The following DCAF1 variants were observed in gnomAD, a reference collection of about 807,000 sequenced individuals.
DCAF1 encodes the protein DDB1- and CUL4-associated factor 1.
Under a neutral mutation model 128.0 loss-of-function variants are expected in DCAF1, and 15 were observed. The ratio of observed to expected loss-of-function variants is 0.12; its 90% CI spans 0.08 to 0.18. The LOEUF is 0.18. Ranked by LOEUF, DCAF1 falls within the 10% of genes least tolerant of loss-of-function variation. The probability of loss-of-function intolerance (pLI) is 1.00; values close to 1 mark genes in which losing one functional copy is unlikely to be tolerated. For synonymous variants in DCAF1, 610 were observed against 603.0 expected, an observed-to-expected ratio of 1.01 and a Z score of -0.17; for missense variants, 988 against 1,649.5, an observed-to-expected ratio of 0.60 and a Z score of 6.95.
chr3:51,447,490 T>C (rs1559523384), intron 6 of DCAF1, among the ~76,000 whole-genome samples: 2 of 152,310 alleles, frequency 1.3e-5, no homozygotes, highest in Admixed American at 1.3e-4. Flanking sequence ...TCTACTGATA[T>C]AGAATATATT....
Position 51,498,295 on chromosome 3 carries a change from G to C in DCAF1, c.-55-1515C>G, listed in dbSNP as rs564687941. Among the ~76,000 whole-genome samples, 3 of 151,168 alleles carry C rather than the reference G, an allele frequency of 2.0e-5. No homozygotes were observed. In the East Asian group the frequency reaches 5.8e-4, roughly 29 times the overall value. On this transcript the variant is annotated intron_variant, in intron 1 of 24. Transcript: ENST00000684031. ...GAATCACTTGAACCTGGGAGGCGGA[G>C]GTTGCAGTGAGACAAGATCGCGCCA...
chr3:51,457,677 C>T (rs1159932131), intron 6 of DCAF1, among the ~76,000 whole-genome samples: 1 of 152,002 alleles, frequency 6.6e-6, no homozygotes, highest in Non-Finnish European at 1.5e-5. Context: ...GGTCGGGTTA[C>T]CCACAAAGGG....
At position 51,448,821 on chromosome 3, in the gene DCAF1, T is replaced by C. The variant is rs574150706; in HGVS notation, c.376-4918A>G. ...AGAACTTGAACAACACTATAAGCCA[T>C]TGAACCTAAAAGATGTACACAGAAA... is the stretch of plus-strand genomic sequence containing the variant. On this transcript the variant is annotated intron_variant, in intron 6 of 24. Coordinates refer to ENST00000684031, the MANE Select transcript of DCAF1 (RefSeq NM_001387579.1). Among the ~76,000 whole-genome samples the C allele has an allele frequency of 2.2e-4, 33 of 152,070 alleles. 1 individual carries two copies. In the South Asian group the frequency reaches 4.8e-3, roughly 22 times the overall value.
chr3:51,453,877 C>T (rs1464062944), intron 6 of DCAF1, among the ~76,000 whole-genome samples: 3 of 151,350 alleles, frequency 2.0e-5, no homozygotes, highest in East Asian at 1.9e-4. Flanking sequence ...TGCTTGAACC[C>T]GGGAGGCAGA....
Position 51,443,164 on chromosome 3 carries a change from T to C in DCAF1, c.513+602A>G, listed in dbSNP as rs1186477932. ...CAATTTAGGTGATGTATATATGTAG[T>C]TGTTCACTGTAAAATGCTTTCAATT... On this transcript the variant is annotated intron_variant, in intron 7 of 24. Coordinates refer to ENST00000684031, the MANE Select transcript of DCAF1 (RefSeq NM_001387579.1). 3.3e-5 allele frequency among the ~76,000 whole-genome samples: 5 copies of C among 152,334 alleles called. No individual in the cohort carries two copies. In the East Asian group the frequency reaches 7.7e-4, roughly 23 times the overall value.
Position 51,397,844 on chromosome 3 carries a change from CAA to C in DCAF1, c.*923_*924del, listed in dbSNP as rs2089312415. On this transcript the variant is annotated 3_prime_UTR_variant, in exon 25 of 25. Coordinates refer to ENST00000684031, the MANE Select transcript of DCAF1 (RefSeq NM_001387579.1). ...AAAGAAAATAGGGAAAGGCCATAAA[CAA>C]AGACAGACTTGTAGTTTATTTTGTA... 6.0e-6 allele frequency: 1 copy of C among 166,888 alleles called. No individual in the cohort carries two copies. The highest frequency in any genetic ancestry group is 1.5e-5 in the Non-Finnish European group (1 of 68,086). 10.3% of individuals were successfully genotyped at this position (166,888 alleles called of 1,614,324 possible).
intron 6 of DCAF1, among the ~76,000 whole-genome samples, chr3:51,451,115 G>T (rs1247300909): frequency 6.2e-5 from 5 of 80,940 alleles, no homozygotes; most frequent in Non-Finnish European, 1.1e-4. Flanking sequence ...TAGTGACAAG[G>T]TCTCACTCTG....
intron 23 of DCAF1, among the ~76,000 whole-genome samples, chr3:51,405,011 C>T (rs2090004020): frequency 6.6e-6 from 1 of 152,162 alleles, no homozygotes; most frequent in Non-Finnish European, 1.5e-5. Context: ...AAGTGCTTAC[C>T]AGATTACAAC....
chr3:51,435,443 T>C (rs1321449959), intron 9 of DCAF1, among the ~76,000 whole-genome samples: 2 of 152,222 alleles, frequency 1.3e-5, no homozygotes, highest in Admixed American at 1.3e-4. Flanking sequence ...TCCTCCAAAC[T>C]TGAAATTTCT....
intron 6 of DCAF1, among the ~76,000 whole-genome samples, chr3:51,450,082 A>G (rs1483243536): frequency 6.6e-6 from 1 of 152,356 alleles, no homozygotes; most frequent in South Asian, 2.1e-4. Context: ...ATGGCGGCTT[A>G]TGCCTGTAAG....
chr3:51,480,889 G>C (rs1475575148), intron 3 of DCAF1, among the ~76,000 whole-genome samples: 1 of 152,008 alleles, frequency 6.6e-6, no homozygotes, highest in Non-Finnish European at 1.5e-5. Context: ...ATTCTTGAAA[G>C]CACATACTAT....
rs80000168 is a variant in DCAF1 at position 51,463,017 on chromosome 3, A to G, written c.375+97T>C. Reference sequence around the variant, plus strand: ...TATAACATATATTACTATATGAATAACAAAAACTGTAACAATGATTTTAAC... The same window carrying G: ...TATAACATATATTACTATATGAATAGCAAAAACTGTAACAATGATTTTAAC... On this transcript the variant is annotated intron_variant, in intron 6 of 24. Transcript: ENST00000684031. 3.3e-3 allele frequency: 2,354 copies of G among 718,030 alleles called. 74 individuals are homozygous for G. In the East Asian group the frequency reaches 0.062, roughly 19 times the overall value. The allele number at this position is 718,030 out of a possible 1,614,324, so 44.5% of individuals were successfully genotyped here.
intron 1 of DCAF1, among the ~76,000 whole-genome samples, chr3:51,497,311 C>T (rs570135227): frequency 8.6e-5 from 13 of 151,922 alleles, no homozygotes; most frequent in East Asian, 5.8e-4. Flanking sequence ...TAAAAATAGG[C>T]GGGCACGGTG....
intron 2 of DCAF1, among the ~76,000 whole-genome samples, chr3:51,486,410 C>T (rs1706964698): frequency 6.6e-6 from 1 of 150,590 alleles, no homozygotes; most frequent in Non-Finnish European, 1.5e-5. Context: ...CCCAGGCTGG[C>T]CTCAAACTCC....
chr3:51,476,973 A>C (rs1232163661), intron 3 of DCAF1, among the ~76,000 whole-genome samples: 6 of 151,756 alleles, frequency 4.0e-5, no homozygotes, highest in African/African-American at 1.5e-4. Flanking sequence ...AATCCCAGCT[A>C]CTTGGGAGAC....
chr3:51,488,539 C>T (rs536558784), intron 2 of DCAF1, among the ~76,000 whole-genome samples: 6 of 151,802 alleles, frequency 4.0e-5, no homozygotes, highest in South Asian at 2.1e-4. Flanking sequence ...AGGCCTGGCA[C>T]GGTGGCTCAC....
At chr3:51,397,175 T>C (rs1553623265), downstream of DCAF1, 1 of 167,118 alleles carries the variant, frequency 6.0e-6, no homozygotes, top group Non-Finnish European at 1.5e-5. Flanking sequence ...TGTAACAAAC[T>C]GAGCAGCTGT....
chr3:51,435,711 C>CAAAA (rs879994512), intron 9 of DCAF1, among the ~76,000 whole-genome samples: 4 of 140,814 alleles, frequency 2.8e-5, no homozygotes, highest in Admixed American at 7.1e-5. Context: ...AACTCTGTCT[C>CAAAA]AAAAAAAAAA....
At position 51,470,562 on chromosome 3, in the gene DCAF1, T is replaced by C. The variant is rs1704623120; in HGVS notation, c.187+367A>G. On this transcript the variant is annotated intron_variant, in intron 4 of 24. Transcript: ENST00000684031. ...ACCTGGGCAACAGAGTGAGTACCCA[T>C]CTCCAAAAAAGAAAAAGTCTGAAAG... 2.0e-5 allele frequency among the ~76,000 whole-genome samples: 3 copies of C among 151,992 alleles called. No homozygotes were observed. In the South Asian group the frequency reaches 6.2e-4, roughly 31 times the overall value.
Sources: gnomAD v4.1 joint callset for allele counts (sites outside exome capture counted in the v4.1 genomes callset) on GRCh38, gnomAD v4.1.1 for gene constraint, MANE v1.5 for transcripts, NCBI Gene and HGNC (gene_info 2026-07-23, HGNC 2026-07-21) for gene names.